Variants in MAF observed in about 807,000 individuals in gnomAD.
The protein encoded by MAF is MAF bZIP transcription factor.
In MAF, 10 loss-of-function variants were observed where a neutral mutation model predicts 22.0. That is an observed-to-expected ratio of 0.45 (90% confidence interval 0.28 to 0.77). MAF has a LOEUF of 0.77. Among genes scored for constraint, MAF ranks in the 30% least tolerant of loss-of-function variants. MAF has a pLI of 0.12. For synonymous variants in MAF, 337 were observed against 255.8 expected (o/e 1.32, Z -3.03); for missense variants, 544 against 548.4 (o/e 0.99, Z 0.08).
the MAF span, among the ~76,000 whole-genome samples, chr16:79,488,314 G>A: frequency 2.6e-5 from 4 of 152,152 alleles, no homozygotes; most frequent in Non-Finnish European, 5.9e-5. Context: ...CGTGTTGGGT[G>A]TCCAGAAATG....
At chr16:79,421,494 C>T in the MAF span, among the ~76,000 whole-genome samples, 53 of 152,296 alleles carry the variant, frequency 3.5e-4, 2 homozygotes, top group African/African-American at 1.1e-3. Context: ...TTCAGACTGG[C>T]TCTTGTCACT....
the MAF span, among the ~76,000 whole-genome samples, chr16:79,207,506 G>A: frequency 6.6e-6 from 1 of 152,166 alleles, no homozygotes; most frequent in Non-Finnish European, 1.5e-5. Flanking sequence ...TTGCATAAGT[G>A]GATTAATTCA....
chr16:79,461,276 C>A, the MAF span, among the ~76,000 whole-genome samples: 2 of 152,166 alleles, frequency 1.3e-5, no homozygotes, highest in African/African-American at 4.8e-5. Flanking sequence ...ATACAAACAG[C>A]CTCCAAATTT....
the MAF span, among the ~76,000 whole-genome samples, chr16:79,426,291 A>T: frequency 6.6e-6 from 1 of 152,186 alleles, no homozygotes; most frequent in Non-Finnish European, 1.5e-5. Flanking sequence ...CAGAACCTAA[A>T]ATATCTGGTT....
the MAF span, among the ~76,000 whole-genome samples, chr16:79,481,544 T>C: frequency 6.6e-6 from 1 of 151,958 alleles, no homozygotes; most frequent in Admixed American, 6.6e-5. Flanking sequence ...CATCCACCCA[T>C]TGACTACCTT....
At chr16:79,425,296 CT>C in the MAF span, among the ~76,000 whole-genome samples, 38 of 151,856 alleles carry the variant, frequency 2.5e-4, no homozygotes, top group Non-Finnish European at 4.3e-4. Flanking sequence ...TCCATGATGT[CT>C]TTTTTTTATT....
the MAF span, among the ~76,000 whole-genome samples, chr16:79,455,482 G>C: frequency 2.0e-5 from 3 of 152,132 alleles, no homozygotes; most frequent in African/African-American, 7.2e-5. Context: ...TTTGGAGATT[G>C]AGAAGCGCAC....
the MAF span, among the ~76,000 whole-genome samples, chr16:79,400,593 C>G: frequency 1.3e-5 from 2 of 152,220 alleles, no homozygotes; most frequent in Non-Finnish European, 2.9e-5. Context: ...AAGAATACCC[C>G]CTTCACGGGT....
chr16:79,598,478 A>G, intron 1 of MAF: 2 of 1,265,282 alleles, frequency 1.6e-6, no homozygotes, highest in Non-Finnish European at 2.0e-6. Context: ...AAAACAAGCT[A>G]GCAAGTTATG....
At chr16:79,526,418 G>A in the MAF span, among the ~76,000 whole-genome samples, 1 of 152,174 alleles carries the variant, frequency 6.6e-6, no homozygotes, top group South Asian at 2.1e-4. Flanking sequence ...TGGGAGTGAT[G>A]GGGAGTGGCT....
At chr16:79,264,362 A>G in the MAF span, 2 of 152,194 alleles carry the variant, frequency 1.3e-5, no homozygotes, top group African/African-American at 2.4e-5. Context: ...CTTTTATCCA[A>G]TCTTTACTGT....
At chr16:79,407,934 A>C in the MAF span, among the ~76,000 whole-genome samples, 14 of 152,176 alleles carry the variant, frequency 9.2e-5, no homozygotes, top group Non-Finnish European at 2.1e-4. Flanking sequence ...GGGTTATTTC[A>C]GGGCCAGGAA....
chr16:79,524,233 C>T, the MAF span, among the ~76,000 whole-genome samples: 1 of 152,200 alleles, frequency 6.6e-6, no homozygotes, highest in East Asian at 1.9e-4. Flanking sequence ...AACGACTTAA[C>T]CCTTCCGCAG....
At chr16:79,446,056 G>C in the MAF span, among the ~76,000 whole-genome samples, 1 of 151,696 alleles carries the variant, frequency 6.6e-6, no homozygotes, top group East Asian at 1.9e-4. Flanking sequence ...AAAGAAAAGA[G>C]AGACAGAGAC....
the MAF span, among the ~76,000 whole-genome samples, chr16:79,381,837 T>C: frequency 6.6e-6 from 1 of 152,192 alleles, no homozygotes; most frequent in Non-Finnish European, 1.5e-5. Context: ...AGAGTGGATA[T>C]GCTGTGATTG....
At chr16:79,471,563 G>C in the MAF span, among the ~76,000 whole-genome samples, 1 of 152,180 alleles carries the variant, frequency 6.6e-6, no homozygotes, top group African/African-American at 2.4e-5. Flanking sequence ...TGTAGTTCCA[G>C]GTGCTAGGGC....
At position 79,596,731 on chromosome 16, in the gene MAF, A is replaced by T. The variant is rs537370933; in HGVS notation, c.1118+2054T>A. On this transcript the variant is annotated intron_variant, in intron 1 of 1. Coordinates refer to ENST00000326043, the MANE Select transcript of MAF (RefSeq NM_005360.5). ...TCCCTGAAAATAACATTTACTGATT[A>T]TTGCCTTTAAAACTGTGGATTTTTT... The T allele has an allele frequency of 5.0e-4, 518 of 1,043,594 alleles. 2 individuals are homozygous for T. In the African/African-American group the frequency reaches 7.8e-3, roughly 16 times the overall value. 64.6% of individuals were successfully genotyped at this position (1,043,594 alleles called of 1,614,324 possible).
At chr16:79,347,035 G>A in the MAF span, among the ~76,000 whole-genome samples, 3 of 152,212 alleles carry the variant, frequency 2.0e-5, no homozygotes, top group Admixed American at 2.0e-4. Flanking sequence ...AATGGCAGCT[G>A]TGTGACCCTG....
the MAF span, among the ~76,000 whole-genome samples, chr16:79,544,824 A>G: frequency 6.6e-6 from 1 of 151,934 alleles, no homozygotes; most frequent in Non-Finnish European, 1.5e-5. Context: ...CTAAAATATT[A>G]TTTTATGTAT....
Sources: gnomAD v4.1 joint callset for allele counts (sites outside exome capture counted in the v4.1 genomes callset) on GRCh38, gnomAD v4.1.1 for gene constraint, MANE v1.5 for transcripts, NCBI Gene and HGNC (gene_info 2026-07-23, HGNC 2026-07-21) for gene names.